The following FBXL14 variants were observed in gnomAD, a reference collection of about 807,000 sequenced individuals.
FBXL14 encodes F-box and leucine rich repeat protein 14.
Under a neutral mutation model 24.5 loss-of-function variants are expected in FBXL14, and 11 were observed. The ratio of observed to expected loss-of-function variants is 0.45; its 90% CI spans 0.28 to 0.74. FBXL14 has a LOEUF of 0.74. Among genes scored for constraint, FBXL14 ranks in the 30% least tolerant of loss-of-function variants. FBXL14 has a pLI of 0.12. For missense variants in FBXL14, 384 were observed against 545.6 expected, an observed-to-expected ratio of 0.70 and a Z score of 2.95; for synonymous variants, 294 against 240.4, an observed-to-expected ratio of 1.22 and a Z score of -2.06.
chr12:1,593,182 C>G lies in FBXL14; in HGVS notation c.885G>C (p.Gln295His). ...GCCCCTGGGCTATGTAAGCCAGACT[C>G]TGGTCTCCCACCTTGTCACAGAACG... ...DVSFCDKVGD[Q>H]SLAYIAQGLD... The change falls in exon 1 of 2, where the codon CAG (glutamine) becomes CAC (histidine). Residue 295 changes from glutamine (Q) to histidine (H), a missense_variant. Physicochemically the swap from Gln to His is conservative, Grantham distance 24. Transcript: ENST00000339235. This position sits in a 1 kb window ranked among gnomAD's most constrained non-coding sequence, Gnocchi z 7.4. 5 of 1,613,548 alleles carry G rather than the reference C, an allele frequency of 3.1e-6. No individual in the cohort carries two copies. Among genetic ancestry groups the G allele is most frequent in the Non-Finnish European group, 4.2e-6 (5 of 1,180,028 alleles).
intron 1 of FBXL14, among the ~76,000 whole-genome samples, chr12:1,568,177 C>A (rs1048971258): frequency 6.6e-6 from 1 of 152,146 alleles, no homozygotes; most frequent in Non-Finnish European, 1.5e-5. Context: ...GAAAAAAACA[C>A]ATTACCTGTA....
At chr12:1,588,050 C>T (rs2094480568) in intron 1 of FBXL14, among the ~76,000 whole-genome samples, 1 of 152,232 alleles carries the variant, frequency 6.6e-6, no homozygotes, top group African/African-American at 2.4e-5. Context: ...TCCCTTTCTA[C>T]CGCAGAACAC....
chr12:1,582,188 G>A (rs1592472263), intron 1 of FBXL14, among the ~76,000 whole-genome samples: 1 of 146,868 alleles, frequency 6.8e-6, no homozygotes, highest in South Asian at 2.2e-4. Flanking sequence ...GAAAAGAAAG[G>A]AAGAAAAGGA....
In FBXL14 at chr12:1,566,634, C is replaced by T. The variant is rs1048728608; in HGVS notation, c.*114G>A. 11 of 730,312 alleles carry T rather than the reference C, an allele frequency of 1.5e-5. No homozygotes were observed. The highest frequency in any genetic ancestry group is 6.9e-5 in the African/African-American group (4 of 57,684). The allele number at this position is 730,312 out of a possible 1,614,324, so 45.2% of individuals were successfully genotyped here. A position where few individuals can be genotyped will look rare whatever the true frequency, so the allele number is the denominator to read the frequency against. ...GAAGCCCTGGGCAGCAGCCTCTGCC[C>T]GAGCAGTGACAGGCAGGGAAACCTG... On this transcript the variant is annotated 3_prime_UTR_variant, in exon 2 of 2. Transcript: ENST00000339235.
chr12:1,579,183 C>T lies in FBXL14; in HGVS notation c.1195-12373G>A, dbSNP rs930223643. Among the ~76,000 whole-genome samples the T allele has an allele frequency of 3.9e-5, 6 of 152,002 alleles. No individual in the cohort carries two copies. Among genetic ancestry groups the T allele is most frequent in the Non-Finnish European group, 5.9e-5 (4 of 67,990 alleles). On this transcript the variant is annotated intron_variant, in intron 1 of 1. Coordinates refer to ENST00000339235, the MANE Select transcript of FBXL14 (RefSeq NM_152441.3). This position sits in a 1 kb window ranked among gnomAD's most constrained non-coding sequence, Gnocchi z 4.3. Reference sequence around the variant, plus strand: ...TTTGCATTAAGTATTAAATATAATACCTTCAATGTAGTATTTGTGCTTCTC... The same window carrying T: ...TTTGCATTAAGTATTAAATATAATATCTTCAATGTAGTATTTGTGCTTCTC...
intron 1 of FBXL14, among the ~76,000 whole-genome samples, chr12:1,580,555 C>T (rs1304934200): frequency 2.6e-5 from 4 of 152,042 alleles, no homozygotes; most frequent in Non-Finnish European, 5.9e-5. Context: ...CCTTGCTGCC[C>T]CCTATTCTTC....
chr12:1,594,407 G>C lies in FBXL14; in HGVS notation c.-341C>G, dbSNP rs2094497413. ...CCTCGGCTCTACCCACGCCGCGCCC[G>C]GGCCGCGCCGCTCCGCCCGCGCCGC... On this transcript the variant is annotated 5_prime_UTR_variant, in exon 1 of 2. Coordinates refer to ENST00000339235, the MANE Select transcript of FBXL14 (RefSeq NM_152441.3). 6.9e-6 allele frequency among the ~76,000 whole-genome samples: 1 copy of C among 145,152 alleles called. No homozygotes were observed. The highest frequency in any genetic ancestry group is 2.5e-5 in the African/African-American group (1 of 40,606).
At chr12:1,568,888 A>G (rs887588169) in intron 1 of FBXL14, among the ~76,000 whole-genome samples, 1 of 152,188 alleles carries the variant, frequency 6.6e-6, no homozygotes, top group African/African-American at 2.4e-5. Context: ...ATAGTGGGTC[A>G]AAAAATAAGA....
rs1477208832 is a variant in FBXL14, at chr12:1,594,522, G to A, written c.-456C>T. On this transcript the variant is annotated 5_prime_UTR_variant, in exon 1 of 2. Transcript: ENST00000339235. ...GCGGCGAGGGGGCCCCGGGGGCCGG[G>A]CGCACGGGCTCCGGGCGCGGAGGAG... 2.0e-5 allele frequency among the ~76,000 whole-genome samples: 3 copies of A among 147,580 alleles called. No individual in the cohort carries two copies. The highest frequency in any genetic ancestry group is 4.5e-5 in the Non-Finnish European group (3 of 66,206).
intron 1 of FBXL14, among the ~76,000 whole-genome samples, chr12:1,592,357 T>C: frequency 6.6e-6 from 1 of 151,840 alleles, no homozygotes. Flanking sequence ...GGAGGAGTGA[T>C]GAGAAGAGAC....
intron 1 of FBXL14, among the ~76,000 whole-genome samples, chr12:1,574,382 G>T: frequency 6.6e-6 from 1 of 151,800 alleles, no homozygotes; most frequent in African/African-American, 2.4e-5. Flanking sequence ...GCAGCGGTGT[G>T]GATGGAGGCT....
intron 1 of FBXL14, among the ~76,000 whole-genome samples, chr12:1,581,982 C>T (rs987579106): frequency 1.3e-5 from 2 of 152,050 alleles, no homozygotes; most frequent in African/African-American, 4.8e-5. Context: ...AAAAATTAGC[C>T]AGGCATGGTG....
chr12:1,574,757 G>C (rs11061864), intron 1 of FBXL14: 1,606 of 157,534 alleles, frequency 0.01, 30 homozygotes, highest in African/African-American at 0.036. Context: ...CTGTGGGAGC[G>C]GGCCATGCCA....
chr12:1,593,324 T>A lies in FBXL14; in HGVS notation c.743A>T (p.His248Leu), dbSNP rs747974612. Residue 248 changes from histidine (H) to leucine (L), a missense_variant, in exon 1 of 2, where the codon CAC (histidine) becomes CTC (leucine). Transcript: ENST00000339235. This position sits in a 1 kb window ranked among gnomAD's most constrained non-coding sequence, Gnocchi z 7.4. Reference sequence around the variant, plus strand: ...GCGCAGGCTGCCCATGTGCGACAGGTGCAGGAGGCCAGCGTCCGAGATTCC... The same window carrying A: ...GCGCAGGCTGCCCATGTGCGACAGGAGCAGGAGGCCAGCGTCCGAGATTCC... ...CGGISDAGLL[H>L]LSHMGSLRSL... 1 of 1,613,486 alleles carries A rather than the reference T, an allele frequency of 6.2e-7. No individual in the cohort carries two copies.
At chr12:1,580,952 C>T (rs2094465058) in intron 1 of FBXL14, among the ~76,000 whole-genome samples, 1 of 152,172 alleles carries the variant, frequency 6.6e-6, no homozygotes, top group South Asian at 2.1e-4. Context: ...AACAATGGCA[C>T]AGGGAGGCTT....
Position 1,567,644 on chromosome 12 carries a change from T to C in FBXL14, c.1195-834A>G, listed in dbSNP as rs865849430. 5.9e-5 allele frequency among the ~76,000 whole-genome samples: 9 copies of C among 152,052 alleles called. No homozygotes were observed. The highest frequency in any genetic ancestry group is 3.2e-3 in the Middle Eastern group (1 of 316). Reference sequence around the variant, plus strand: ...CTCTGATTAATGTGAGGGGCTGTAATGGATAAAGTAGGCAGCATGCAGGAA... The same window carrying C: ...CTCTGATTAATGTGAGGGGCTGTAACGGATAAAGTAGGCAGCATGCAGGAA... On this transcript the variant is annotated intron_variant, in intron 1 of 1. Transcript: ENST00000339235. This position sits in a 1 kb window ranked among gnomAD's most constrained non-coding sequence, Gnocchi z 4.8.
rs1455896760 is a variant in FBXL14 at position 1,594,443 on chromosome 12, C to G, written c.-377G>C. On this transcript the variant is annotated 5_prime_UTR_variant, in exon 1 of 2. Transcript: ENST00000339235. ...CTCCGCCCGCGCCGCCGCGCCCACG[C>G]CCCCTGCCGCATCCTCCGCCTCCTG... Among the ~76,000 whole-genome samples, 3 of 145,748 alleles carry G rather than the reference C, an allele frequency of 2.1e-5. No individual in the cohort carries two copies. The highest frequency in any genetic ancestry group is 4.6e-5 in the Non-Finnish European group (3 of 65,634).
chr12:1,573,481 C>A (rs1020195857), intron 1 of FBXL14, among the ~76,000 whole-genome samples: 1 of 152,160 alleles, frequency 6.6e-6, no homozygotes, highest in Non-Finnish European at 1.5e-5. Flanking sequence ...CAGCCACGCA[C>A]GACTAGGGGG....
At chr12:1,572,878 G>A (rs1409207900) in intron 1 of FBXL14, among the ~76,000 whole-genome samples, 2 of 152,126 alleles carry the variant, frequency 1.3e-5, no homozygotes, top group Non-Finnish European at 2.9e-5. Flanking sequence ...AAATAATGCG[G>A]TCAGAATCCA....
Sources: allele counts gnomAD v4.1 joint callset (sites outside exome capture counted in the v4.1 genomes callset), GRCh38; gene constraint gnomAD v4.1.1; non-coding constraint Gnocchi (gnomAD v3.1); transcripts MANE v1.5; gene names NCBI Gene and HGNC (gene_info 2026-07-23, HGNC 2026-07-21).